Variants in DERL1 observed in about 807,000 individuals in gnomAD.
DERL1 encodes the protein derlin-1.
A neutral mutation model predicts 41.6 loss-of-function variants in DERL1; 24 were observed. The observed-to-expected ratio is 0.58, with a 90% CI of 0.42 to 0.81. DERL1 has a LOEUF of 0.81. Among genes scored for constraint, DERL1 ranks in the 30% least tolerant of loss-of-function variants. The probability of loss-of-function intolerance (pLI) is 0.00; values close to 1 mark genes in which losing one functional copy is unlikely to be tolerated. For missense variants in DERL1, 260 were observed against 314.3 expected (o/e 0.83, Z 1.31); for synonymous variants, 124 against 112.5 (o/e 1.10, Z -0.65).
chr8:123,023,432 A>C (rs1305476390), intron 4 of DERL1, among the ~76,000 whole-genome samples: 1 of 152,042 alleles, frequency 6.6e-6, no homozygotes, highest in Non-Finnish European at 1.5e-5. Flanking sequence ...GCGTGCATCT[A>C]TAATCCCAGC....
intron 1 of DERL1, among the ~76,000 whole-genome samples, chr8:123,035,261 T>C (rs980713939): frequency 6.6e-6 from 1 of 152,248 alleles, no homozygotes; most frequent in Non-Finnish European, 1.5e-5. Flanking sequence ...CTTGCTTTCA[T>C]TGATCTAAAA....
chr8:123,021,575 G>T (rs1156996775), intron 5 of DERL1, 76 bp from the exon 6 acceptor site: 2 of 1,336,268 alleles, frequency 1.5e-6, no homozygotes, highest in African/African-American at 2.9e-5. Context: ...GACTAAAGTG[G>T]GTAAGGATAC....
At chr8:123,037,542 A>G (rs572414352) in intron 1 of DERL1, among the ~76,000 whole-genome samples, 1 of 152,360 alleles carries the variant, frequency 6.6e-6, no homozygotes, top group East Asian at 1.9e-4. Context: ...CCAGGCCTTG[A>G]GACCATGATT....
chr8:123,020,202 G>C (rs916040480), intron 6 of DERL1, among the ~76,000 whole-genome samples: 4 of 152,230 alleles, frequency 2.6e-5, no homozygotes, highest in Non-Finnish European at 5.9e-5. Context: ...AGTTCTGGCT[G>C]GGTGCAGTGG....
intron 1 of DERL1, among the ~76,000 whole-genome samples, chr8:123,034,100 A>G (rs1207107838): frequency 6.6e-6 from 1 of 152,220 alleles, no homozygotes; most frequent in African/African-American, 2.4e-5. Context: ...TTGCAAGAGC[A>G]CAATAACTGA....
intron 1 of DERL1, among the ~76,000 whole-genome samples, chr8:123,038,585 G>A (rs1470514068): frequency 6.6e-6 from 1 of 152,190 alleles, no homozygotes; most frequent in Non-Finnish European, 1.5e-5. Flanking sequence ...TACACCCGCA[G>A]CCTGTTAGGC....
chr8:123,020,796 C>CAAAAAAAAAAAAAAAA (rs59816749), intron 6 of DERL1, among the ~76,000 whole-genome samples: 2 of 112,354 alleles, frequency 1.8e-5, no homozygotes, highest in South Asian at 2.8e-4. Flanking sequence ...CTAAAAATCC[C>CAAAAAAAAAAAAAAAA]AAAAAAAAAA....
chr8:123,032,144 T>TCC (rs535418635), intron 1 of DERL1, among the ~76,000 whole-genome samples: 22 of 148,950 alleles, frequency 1.5e-4, no homozygotes, highest in Non-Finnish European at 3.0e-4. Context: ...CATTTTTTTT[T>TCC]TCCCCCCCGA....
intron 3 of DERL1, among the ~76,000 whole-genome samples, chr8:123,024,716 C>T (rs13259131): frequency 0.29 from 43,657 of 151,962 alleles, 7,916 homozygotes; most frequent in Non-Finnish European, 0.4. Flanking sequence ...CACATGAGAA[C>T]ACAGAGAACT....
chr8:123,028,999 T>C (rs1382845083), intron 2 of DERL1, among the ~76,000 whole-genome samples: 1 of 151,600 alleles, frequency 6.6e-6, no homozygotes, highest in Admixed American at 6.6e-5. Flanking sequence ...ACCCCGGCAG[T>C]CAAGGCTGCA....
intron 4 of DERL1, 21 bp downstream of exon 4, chr8:123,023,692 A>G (rs753614524): frequency 1.7e-5 from 27 of 1,602,104 alleles, no homozygotes; most frequent in Admixed American, 1.2e-4. Flanking sequence ...GGGCAAATAG[A>G]TAGTTTAAAT....
chr8:123,023,769 A>G, intron 3 of DERL1, 30 bp from the exon 4 acceptor site: 1 of 1,608,866 alleles, frequency 6.2e-7, no homozygotes, highest in Non-Finnish European at 8.5e-7. Context: ...GATCAGACAT[A>G]AAAAAGCATT....
intron 1 of DERL1, among the ~76,000 whole-genome samples, chr8:123,036,541 T>C (rs1812933239): frequency 6.6e-6 from 1 of 152,246 alleles, no homozygotes; most frequent in South Asian, 2.1e-4. Context: ...ATGTTTTGAA[T>C]TTTTAAAAAC....
At chr8:123,041,949 C>A in intron 1 of DERL1, 21 bp downstream of exon 1, 2 of 1,589,190 alleles carry the variant, frequency 1.3e-6, no homozygotes, top group Admixed American at 1.7e-5. Context: ...AGTCTCCACG[C>A]CCCCCGTCTC....
intron 3 of DERL1, 118 bp downstream of exon 3, chr8:123,024,867 CG>C: frequency 1.0e-6 from 1 of 971,516 alleles, no homozygotes; most frequent in Non-Finnish European, 1.5e-6. Flanking sequence ...TTCTTATTAA[CG>C]GTAGTCAACC....
intron 5 of DERL1, among the ~76,000 whole-genome samples, chr8:123,021,781 G>A (rs1215601291): frequency 1.3e-5 from 2 of 152,230 alleles, no homozygotes; most frequent in Non-Finnish European, 2.9e-5. Flanking sequence ...TAAACAGACA[G>A]CTTCAAAAAG....
intron 7 of DERL1, 102 bp downstream of exon 7, chr8:123,019,093 A>G (rs1297030973): frequency 2.5e-6 from 2 of 795,646 alleles, no homozygotes; most frequent in African/African-American, 3.5e-5. Flanking sequence ...TCTCCAGCAG[A>G]TGGGGCATAG....
Position 123,023,744 on chromosome 8 carries a change from G to A in DERL1, c.331-5C>T. The A allele has an allele frequency of 6.2e-7, 1 of 1,610,680 alleles. No individual in the cohort carries two copies. Among genetic ancestry groups the A allele is most frequent in the Non-Finnish European group, 8.5e-7 (1 of 1,178,538 alleles). On this transcript the variant is annotated splice_polypyrimidine_tract_variant and splice_region_variant and intron_variant, in intron 3 of 7. Coordinates refer to ENST00000259512, the MANE Select transcript of DERL1 (RefSeq NM_024295.6). ...ATCCATTGCTAAGCCAGTAATCTTG[G>A]TTTGTAAAGTTAAAGATCAGACATA... is the stretch of plus-strand genomic sequence containing the variant.
At chr8:123,038,231 C>CAAA (rs1812970359) in intron 1 of DERL1, among the ~76,000 whole-genome samples, 2 of 152,204 alleles carry the variant, frequency 1.3e-5, no homozygotes, top group Non-Finnish European at 2.9e-5. Flanking sequence ...GTGAAAGATT[C>CAAA]AGCTTCTAAG....
Sources: allele counts gnomAD v4.1 joint callset (sites outside exome capture counted in the v4.1 genomes callset), GRCh38; gene constraint gnomAD v4.1.1; transcripts MANE v1.5; gene names NCBI Gene and HGNC (gene_info 2026-07-23, HGNC 2026-07-21).